TYR: variants seen among roughly 807,000 people sequenced by gnomAD.
TYR encodes LB24-AB.
TYR carries 58 observed loss-of-function variants against 51.5 expected under a neutral mutation model. That is an observed-to-expected ratio of 1.13 (90% CI 0.91 to 1.40). The LOEUF (loss-of-function observed/expected upper bound fraction) is 1.40. Among genes scored for constraint, TYR ranks in the 40% most tolerant of loss-of-function variants. TYR has a pLI of 0.00. For synonymous variants in TYR, 263 were observed against 235.2 expected, an observed-to-expected ratio of 1.12 and a Z score of -1.08; for missense variants, 732 against 647.4, an observed-to-expected ratio of 1.13 and a Z score of -1.42.
intron 2 of TYR, among the ~76,000 whole-genome samples, chr11:89,200,882 C>A (rs569482551): frequency 3.3e-5 from 5 of 152,244 alleles, no homozygotes; most frequent in African/African-American, 1.2e-4. Context: ...ATGGTAATTT[C>A]CTCAGAGTTT....
chr11:89,284,626 C>T (rs868604031), intron 3 of TYR, 147 bp from the exon 4 acceptor site: 59 of 716,954 alleles, frequency 8.2e-5, no homozygotes, highest in East Asian at 1.6e-4. Context: ...TAATACTTTA[C>T]GAAATATTTT....
In TYR at chr11:89,267,504, G is replaced by T. The variant is rs566877061; in HGVS notation, c.1185-17269G>T. Among the ~76,000 whole-genome samples, 23 of 151,950 alleles carry T rather than the reference G, an allele frequency of 1.5e-4. No homozygotes were observed. The South Asian group carries it at 4.6e-3, about 30-fold the overall frequency. ...TCCCATTTTACTACATACATTTCCT[G>T]TACTTGCCTGTAGGTAATAGCTTGT... On this transcript the variant is annotated intron_variant, in intron 3 of 4. Coordinates refer to ENST00000263321, the MANE Select transcript of TYR (RefSeq NM_000372.5).
chr11:89,207,983 T>A (rs1320573262), intron 2 of TYR, among the ~76,000 whole-genome samples: 1 of 152,162 alleles, frequency 6.6e-6, no homozygotes, highest in African/African-American at 2.4e-5. Context: ...TAAAAAGTTT[T>A]TAAGGCCAGG....
chr11:89,198,784 G>T (rs1442792141), intron 2 of TYR, among the ~76,000 whole-genome samples: 1 of 137,124 alleles, frequency 7.3e-6, no homozygotes, highest in Non-Finnish European at 1.5e-5. Flanking sequence ...TATACTTTAA[G>T]TTCTAGGGTA....
intron 4 of TYR, among the ~76,000 whole-genome samples, chr11:89,294,586 A>T (rs563171588): frequency 1.3e-5 from 2 of 152,322 alleles, no homozygotes; most frequent in Admixed American, 1.3e-4. Context: ...CCAACCCCCG[A>T]AGCCTTAGGA....
At chr11:89,215,864 A>G (rs1426576061) in intron 2 of TYR, among the ~76,000 whole-genome samples, 1 of 152,152 alleles carries the variant, frequency 6.6e-6, no homozygotes, top group African/African-American at 2.4e-5. Flanking sequence ...CATGTTTTTT[A>G]TTTATAAGGT....
intron 3 of TYR, among the ~76,000 whole-genome samples, chr11:89,236,568 T>C (rs950916799): frequency 6.6e-6 from 1 of 152,210 alleles, no homozygotes; most frequent in Admixed American, 6.5e-5. Context: ...TCAATTATCA[T>C]TATACAGAAA....
chr11:89,255,030 A>T (rs538238242), intron 3 of TYR, among the ~76,000 whole-genome samples: 1 of 151,876 alleles, frequency 6.6e-6, no homozygotes, highest in African/African-American at 2.4e-5. Context: ...TGTTCAGTTC[A>T]AAAAATATTT....
chr11:89,268,373 T>A (rs1944550216), intron 3 of TYR, among the ~76,000 whole-genome samples: 1 of 151,940 alleles, frequency 6.6e-6, no homozygotes, highest in Admixed American at 6.6e-5. Flanking sequence ...ATTGAAATTA[T>A]TACTGAAGCA....
chr11:89,181,992 A>C (rs973704403), intron 1 of TYR, among the ~76,000 whole-genome samples: 1 of 152,200 alleles, frequency 6.6e-6, no homozygotes, highest in African/African-American at 2.4e-5. Context: ...AATTTATATC[A>C]TAATGAAAAT....
chr11:89,262,846 C>CT (rs1186728580), intron 3 of TYR, among the ~76,000 whole-genome samples: 1,425 of 34,126 alleles, frequency 0.042, 33 homozygotes, highest in Non-Finnish European at 0.053. Context: ...AGCTACTCAT[C>CT]CAAAAAAAAA....
intron 3 of TYR, among the ~76,000 whole-genome samples, chr11:89,264,725 A>T (rs948331011): frequency 4.1e-5 from 6 of 146,544 alleles, no homozygotes; most frequent in Non-Finnish European, 8.9e-5. Flanking sequence ...ACCGTGGAAT[A>T]CTATGCAGCC....
chr11:89,179,303 T>G (rs1348147183), intron 1 of TYR, among the ~76,000 whole-genome samples: 1 of 152,198 alleles, frequency 6.6e-6, no homozygotes, highest in African/African-American at 2.4e-5. Flanking sequence ...CTATGGTGAT[T>G]CTTTTAATCA....
At chr11:89,286,826 A>G (rs1944792854) in intron 4 of TYR, among the ~76,000 whole-genome samples, 1 of 151,820 alleles carries the variant, frequency 6.6e-6, no homozygotes, top group Admixed American at 6.6e-5. Context: ...GTAAGTCTCA[A>G]GTGACATGTC....
At chr11:89,184,617 G>A (rs1053647297) in intron 1 of TYR, among the ~76,000 whole-genome samples, 2 of 152,068 alleles carry the variant, frequency 1.3e-5, no homozygotes, top group Non-Finnish European at 1.5e-5. Context: ...ATTTAGGAAC[G>A]TTATGAGGTA....
At chr11:89,204,869 T>C (rs1943651369) in intron 2 of TYR, among the ~76,000 whole-genome samples, 1 of 150,476 alleles carries the variant, frequency 6.6e-6, no homozygotes, top group South Asian at 2.1e-4. Context: ...AAGTAACAGA[T>C]ATGTTAAAAT....
chr11:89,219,119 G>T (rs1943873813), intron 2 of TYR, among the ~76,000 whole-genome samples: 1 of 152,046 alleles, frequency 6.6e-6, no homozygotes, highest in Non-Finnish European at 1.5e-5. Flanking sequence ...GTTCCTTAAA[G>T]TTACTGTCTT....
intron 2 of TYR, among the ~76,000 whole-genome samples, chr11:89,213,671 A>G (rs912373666): frequency 1.1e-4 from 17 of 152,208 alleles, no homozygotes; most frequent in Admixed American, 2.0e-4. Context: ...TGGAGGCATC[A>G]TGCTACCTGA....
chr11:89,200,905 A>G (rs537821241), intron 2 of TYR, among the ~76,000 whole-genome samples: 1 of 152,298 alleles, frequency 6.6e-6, no homozygotes, highest in Non-Finnish European at 1.5e-5. Context: ...TTACACTGTC[A>G]AATCTGAAAT....
Sources: gnomAD v4.1 joint callset for allele counts (sites outside exome capture counted in the v4.1 genomes callset) on GRCh38, gnomAD v4.1.1 for gene constraint, MANE v1.5 for transcripts, NCBI Gene and HGNC (gene_info 2026-07-23, HGNC 2026-07-21) for gene names.